CACNA2D3: variants seen among roughly 807,000 people sequenced by gnomAD.
CACNA2D3 encodes the protein calcium voltage-gated channel auxiliary subunit alpha2delta 3.
In CACNA2D3, 60 loss-of-function variants were observed where a neutral mutation model predicts 160.6. The ratio of observed to expected loss-of-function variants is 0.37; its 90% CI spans 0.30 to 0.46. The LOEUF (loss-of-function observed/expected upper bound fraction) is 0.46. Among genes scored for constraint, CACNA2D3 ranks in the 20% least tolerant of loss-of-function variants. CACNA2D3 has a pLI of 1.00. For synonymous variants in CACNA2D3, 558 were observed against 492.9 expected (o/e 1.13, Z -1.75); for missense variants, 1,205 against 1,365.0 (o/e 0.88, Z 1.85).
intron 2 of CACNA2D3, among the ~76,000 whole-genome samples, chr3:54,240,209 G>A (rs1394341582): frequency 6.7e-6 from 1 of 149,228 alleles, no homozygotes; most frequent in African/African-American, 2.6e-5. Context: ...GTCATATTAG[G>A]TGTATTTTTG....
At chr3:54,890,727 G>A (rs190771223) in intron 24 of CACNA2D3, among the ~76,000 whole-genome samples, 1 of 152,296 alleles carries the variant, frequency 6.6e-6, no homozygotes, top group African/African-American at 2.4e-5. Flanking sequence ...CTCCTACAGA[G>A]CTATTGGAAG....
intron 29 of CACNA2D3, among the ~76,000 whole-genome samples, chr3:54,973,653 C>A (rs544101852): frequency 6.6e-6 from 1 of 152,108 alleles, no homozygotes; most frequent in African/African-American, 2.4e-5. Flanking sequence ...TGTTGGACTG[C>A]CCACCTCAGC....
intron 4 of CACNA2D3, among the ~76,000 whole-genome samples, chr3:54,417,658 T>C (rs1332304057): frequency 2.0e-5 from 3 of 152,194 alleles, no homozygotes; most frequent in Non-Finnish European, 2.9e-5. Context: ...ATATAAACTT[T>C]CTACTTTAAA....
At chr3:54,770,642 C>A (rs922600164) in intron 13 of CACNA2D3, among the ~76,000 whole-genome samples, 1 of 152,128 alleles carries the variant, frequency 6.6e-6, no homozygotes, top group Admixed American at 6.5e-5. Context: ...TTGTGCCTGT[C>A]GCCCACAGCA....
intron 4 of CACNA2D3, among the ~76,000 whole-genome samples, chr3:54,488,560 T>G (rs1701054899): frequency 6.6e-6 from 1 of 152,080 alleles, no homozygotes; most frequent in African/African-American, 2.4e-5. Flanking sequence ...CTCTAGGTCA[T>G]AGCTTGGCCC....
At chr3:54,823,104 C>G (rs1346486665) in intron 14 of CACNA2D3, among the ~76,000 whole-genome samples, 1 of 151,820 alleles carries the variant, frequency 6.6e-6, no homozygotes, top group Admixed American at 6.6e-5. Context: ...ATCCACCTGC[C>G]CCAGCCTCCC....
At chr3:54,496,250 C>T (rs1453681836) in intron 4 of CACNA2D3, among the ~76,000 whole-genome samples, 2 of 152,146 alleles carry the variant, frequency 1.3e-5, no homozygotes, top group African/African-American at 2.4e-5. Flanking sequence ...AGTGTTTGTA[C>T]CATTTTATAT....
At chr3:54,818,246 A>G (rs904054610) in intron 14 of CACNA2D3, among the ~76,000 whole-genome samples, 2 of 152,162 alleles carry the variant, frequency 1.3e-5, no homozygotes, top group Admixed American at 6.5e-5. Flanking sequence ...CTGGAGTGCA[A>G]CAATCTCGGC....
At chr3:54,679,803 A>G (rs565115219) in intron 11 of CACNA2D3, among the ~76,000 whole-genome samples, 1 of 152,376 alleles carries the variant, frequency 6.6e-6, no homozygotes, top group South Asian at 2.1e-4. Context: ...CTTATTTTTA[A>G]ATAAAATGGC....
chr3:54,805,126 A>G (rs1703087759), intron 13 of CACNA2D3, among the ~76,000 whole-genome samples: 2 of 152,232 alleles, frequency 1.3e-5, no homozygotes, highest in Admixed American at 6.5e-5. Context: ...ACACCCTAAC[A>G]TCACAATTAA....
intron 27 of CACNA2D3, among the ~76,000 whole-genome samples, chr3:54,916,445 C>A (rs1228996333): frequency 3.3e-5 from 5 of 152,146 alleles, no homozygotes; most frequent in African/African-American, 9.7e-5. Flanking sequence ...GATGGGTCAG[C>A]AGGCTTTCCT....
At chr3:54,803,836 A>G (rs562750240) in intron 13 of CACNA2D3, among the ~76,000 whole-genome samples, 58 of 152,384 alleles carry the variant, frequency 3.8e-4, no homozygotes, top group Admixed American at 3.5e-3. Flanking sequence ...AGGGAAGCCC[A>G]TCAGACTAAC....
chr3:54,130,559 T>C (rs756431496), intron 2 of CACNA2D3, among the ~76,000 whole-genome samples: 1 of 147,568 alleles, frequency 6.8e-6, no homozygotes, highest in Non-Finnish European at 1.5e-5. Flanking sequence ...GACATCCCAT[T>C]AAATTCTCCC....
At chr3:54,610,832 T>C (rs892599957) in intron 9 of CACNA2D3, among the ~76,000 whole-genome samples, 16 of 152,152 alleles carry the variant, frequency 1.1e-4, no homozygotes, top group Non-Finnish European at 8.8e-5. Context: ...TTTCACCATG[T>C]TGGCCAGGCT....
At chr3:54,687,126 T>TCTTTTTCTTTTTCTTTTTC (rs374461120) in intron 11 of CACNA2D3, among the ~76,000 whole-genome samples, 21 of 66,946 alleles carry the variant, frequency 3.1e-4, no homozygotes, top group African/African-American at 1.2e-3. Context: ...TTTTTCTTTT[T>TCTTTTTCTTTTTCTTTTTC]TTTTTTTTGT....
chr3:54,391,344 A>G (rs1039796725), intron 4 of CACNA2D3, among the ~76,000 whole-genome samples: 7 of 152,142 alleles, frequency 4.6e-5, no homozygotes, highest in Non-Finnish European at 7.4e-5. Context: ...TAATGTCCTT[A>G]CTATGGCATT....
chr3:54,810,825 C>G (rs1166085870), intron 13 of CACNA2D3, among the ~76,000 whole-genome samples: 1 of 152,194 alleles, frequency 6.6e-6, no homozygotes, highest in East Asian at 1.9e-4. Flanking sequence ...GTGTGAAACT[C>G]TGAGGTAGAA....
At chr3:55,010,615 A>C (rs1046689254) in intron 34 of CACNA2D3, among the ~76,000 whole-genome samples, 1 of 152,134 alleles carries the variant, frequency 6.6e-6, no homozygotes, top group African/African-American at 2.4e-5. Context: ...GAGGCCAGGG[A>C]CTAGTAGGCT....
At chr3:54,828,121 A>C (rs76366458) in intron 14 of CACNA2D3, among the ~76,000 whole-genome samples, 1 of 152,316 alleles carries the variant, frequency 6.6e-6, no homozygotes, top group East Asian at 1.9e-4. Context: ...GCAGCATTTC[A>C]GGGGGTCTTT....
Sources: allele counts gnomAD v4.1 joint callset (sites outside exome capture counted in the v4.1 genomes callset), GRCh38; gene constraint gnomAD v4.1.1; transcripts MANE v1.5; gene names NCBI Gene and HGNC (gene_info 2026-07-23, HGNC 2026-07-21).